ACACA: variants seen among roughly 807,000 people sequenced by gnomAD.
ACACA encodes acetyl-CoA carboxylase 1.
A neutral mutation model predicts 296.1 loss-of-function variants in ACACA; 103 were observed. The observed-to-expected ratio is 0.35, with a 90% CI of 0.30 to 0.41. The LOEUF (loss-of-function observed/expected upper bound fraction) is 0.41, where lower values mean the gene tolerates loss of function less well. Ranked by LOEUF, ACACA falls within the 10% of genes least tolerant of loss-of-function variation. The pLI, the probability that ACACA is intolerant of heterozygous loss-of-function variation, is 1.00. For synonymous variants in ACACA, 953 were observed against 1,038.6 expected (o/e 0.92, Z 1.58); for missense variants, 1,554 against 2,989.7 (o/e 0.52, Z 11.20).
intron 54 of ACACA, among the ~76,000 whole-genome samples, chr17:37,095,516 T>G (rs1291903980): frequency 2.6e-5 from 4 of 152,212 alleles, no homozygotes. Context: ...TGGGAGCTCC[T>G]CCTTGAGAAC....
intron 54 of ACACA, 24 bp downstream of exon 54, chr17:37,096,972 C>T: frequency 1.2e-6 from 2 of 1,613,974 alleles, no homozygotes; most frequent in Non-Finnish European, 1.7e-6. Flanking sequence ...AGCAAAAAGG[C>T]TTCTCTTTGA....
chr17:37,202,962 CTTT>C (rs57395863), intron 33 of ACACA, among the ~76,000 whole-genome samples: 2 of 140,000 alleles, frequency 1.4e-5, no homozygotes, highest in Admixed American at 7.1e-5. Context: ...GAAGAAAATG[CTTT>C]TTTTTTTTTT....
intron 48 of ACACA, chr17:37,122,918 G>T: frequency 2.0e-6 from 1 of 499,140 alleles, no homozygotes; most frequent in East Asian, 3.9e-5. Flanking sequence ...AGACTCAACA[G>T]CCTAGCACAT....
chr17:37,249,672 A>G (rs2080886522), intron 16 of ACACA, among the ~76,000 whole-genome samples: 1 of 152,248 alleles, frequency 6.6e-6, no homozygotes, highest in South Asian at 2.1e-4. Flanking sequence ...GAACTAAAAA[A>G]CACTTTAAAA....
At chr17:37,200,019 T>C in intron 35 of ACACA, 120 bp downstream of exon 35, 1 of 766,718 alleles carries the variant, frequency 1.3e-6, no homozygotes, top group East Asian at 2.7e-5. Flanking sequence ...ATTATAATAA[T>C]TTCTAAAAGA....
At chr17:37,102,270 T>A (rs959632282) in intron 52 of ACACA, among the ~76,000 whole-genome samples, 1 of 145,684 alleles carries the variant, frequency 6.9e-6, no homozygotes, top group African/African-American at 2.6e-5. Context: ...AGTGGCACGA[T>A]CTCGGCTCAC....
In ACACA at chr17:37,287,584, A is replaced by AC. The variant is rs2082839682; in HGVS notation, c.339-2615_339-2614insG. Among the ~76,000 whole-genome samples the AC allele has an allele frequency of 4.8e-5, 7 of 146,370 alleles. No individual in the cohort carries two copies. In the South Asian group the frequency reaches 6.5e-4, roughly 14 times the overall value. On this transcript the variant is annotated intron_variant, in intron 3 of 55. Transcript: ENST00000616317. ...ACGTCTCTACTAAAAAAAAAAAAAAAAAAAAACAAATATCCAGGCATGGTG... is the reference window on the plus strand; with the variant it reads ...ACGTCTCTACTAAAAAAAAAAAAAAACAAAAAACAAATATCCAGGCATGGTG...
intron 3 of ACACA, among the ~76,000 whole-genome samples, chr17:37,327,773 CA>C (rs1315023242): frequency 1.3e-5 from 2 of 152,306 alleles, no homozygotes; most frequent in East Asian, 3.9e-4. Context: ...TCTTTCTCAA[CA>C]GGGGCACTAC....
intron 24 of ACACA, among the ~76,000 whole-genome samples, chr17:37,237,792 G>A (rs191238733): frequency 2.0e-5 from 3 of 152,062 alleles, no homozygotes; most frequent in East Asian, 3.9e-4. Flanking sequence ...ACTGTGTCCT[G>A]CTCTGTCAAC....
At chr17:37,373,765 C>T (rs116684231) in intron 1 of ACACA, among the ~76,000 whole-genome samples, 121 of 152,214 alleles carry the variant, frequency 7.9e-4, no homozygotes, top group African/African-American at 2.8e-3. Context: ...CATCTAGGAA[C>T]TAATGTACAG....
chr17:37,394,751 T>C (rs1465151553), intron 1 of ACACA, among the ~76,000 whole-genome samples: 2 of 147,374 alleles, frequency 1.4e-5, no homozygotes, highest in African/African-American at 2.5e-5. Flanking sequence ...TAGCCGGGTG[T>C]GGTGGCAGGC....
At chr17:37,389,363 G>C (rs1363248496) in intron 1 of ACACA, 1 of 1,575,672 alleles carries the variant, frequency 6.3e-7, no homozygotes. Flanking sequence ...GCCCCAGAAG[G>C]AAAGTGTTCT....
At chr17:37,203,709 C>T (rs1359472307) in intron 33 of ACACA, among the ~76,000 whole-genome samples, 3 of 152,086 alleles carry the variant, frequency 2.0e-5, no homozygotes, top group Non-Finnish European at 4.4e-5. Flanking sequence ...CACCATTGCA[C>T]TCCAGCCTGG....
intron 5 of ACACA, among the ~76,000 whole-genome samples, chr17:37,278,227 T>C (rs1050162328): frequency 6.6e-6 from 1 of 152,180 alleles, no homozygotes; most frequent in Non-Finnish European, 1.5e-5. Flanking sequence ...TATAGTAAAA[T>C]AGCAATTCTC....
chr17:37,181,377 A>G, intron 39 of ACACA, 21 bp from the exon 40 acceptor site: 3 of 1,613,838 alleles, frequency 1.9e-6, no homozygotes, highest in Non-Finnish European at 2.5e-6. Flanking sequence ...AAAAAATGGC[A>G]TGGGGAGTTA....
intron 45 of ACACA, among the ~76,000 whole-genome samples, chr17:37,149,051 A>G (rs1223274501): frequency 6.6e-6 from 1 of 152,262 alleles, no homozygotes; most frequent in Non-Finnish European, 1.5e-5. Flanking sequence ...CTATGCTTGC[A>G]AAGATGTCAG....
At chr17:37,277,319 G>C (rs956119657) in intron 6 of ACACA, among the ~76,000 whole-genome samples, 2 of 152,160 alleles carry the variant, frequency 1.3e-5, no homozygotes, top group African/African-American at 4.8e-5. Flanking sequence ...ATTTCTGAAG[G>C]GGTCAAAACC....
intron 42 of ACACA, among the ~76,000 whole-genome samples, chr17:37,156,676 T>G: frequency 6.6e-6 from 1 of 152,262 alleles, no homozygotes; most frequent in Non-Finnish European, 1.5e-5. Context: ...TTGATTTATA[T>G]GTATCTATAC....
chr17:37,217,755 AAAAAAAAAAC>A (rs1313247605), intron 29 of ACACA, among the ~76,000 whole-genome samples: 4 of 145,766 alleles, frequency 2.7e-5, no homozygotes, highest in African/African-American at 7.8e-5. Context: ...AAAAAAAAAA[AAAAAAAAAAC>A]AACCTGTTTT....
Sources: allele counts gnomAD v4.1 joint callset (sites outside exome capture counted in the v4.1 genomes callset), GRCh38; gene constraint gnomAD v4.1.1; transcripts MANE v1.5; gene names NCBI Gene and HGNC (gene_info 2026-07-23, HGNC 2026-07-21).